Variants in DTD1 observed in about 807,000 individuals in gnomAD.
DTD1 encodes the protein D-aminoacyl-tRNA deacylase 1, also known as D-tyrosyl-tRNA deacylase 1 homolog.
A neutral mutation model predicts 25.6 loss-of-function variants in DTD1; 13 were observed. The observed-to-expected ratio is 0.51, with a 90% CI of 0.33 to 0.81. The LOEUF (loss-of-function observed/expected upper bound fraction) is 0.81. DTD1 is among the 30% of genes least tolerant of loss of function. DTD1 has a pLI of 0.02. For missense variants in DTD1, 193 were observed against 266.4 expected (o/e 0.72, Z 1.92); for synonymous variants, 110 against 103.6 (o/e 1.06, Z -0.37).
chr20:18,615,070 C>T (rs1312839682), intron 3 of DTD1, among the ~76,000 whole-genome samples: 1 of 152,080 alleles, frequency 6.6e-6, no homozygotes, highest in African/African-American at 2.4e-5. Context: ...GCAGGCATTC[C>T]AAGATGGGAA....
intron 3 of DTD1, among the ~76,000 whole-genome samples, chr20:18,627,353 G>T (rs2060763894): frequency 6.6e-6 from 1 of 152,210 alleles, no homozygotes; most frequent in South Asian, 2.1e-4. Context: ...AGGCCTGCCT[G>T]TGCCGCAGTA....
intron 3 of DTD1, among the ~76,000 whole-genome samples, chr20:18,600,528 T>C (rs1440706955): frequency 6.6e-6 from 1 of 152,232 alleles, no homozygotes; most frequent in Admixed American, 6.5e-5. Context: ...ATTGAAGTCG[T>C]ATAGTGTCAG....
chr20:18,740,046 G>T (rs928090832), intron 4 of DTD1, among the ~76,000 whole-genome samples: 1 of 151,992 alleles, frequency 6.6e-6, no homozygotes, highest in South Asian at 2.1e-4. Context: ...TGGAGGGGAA[G>T]GTCAGATGGA....
At chr20:18,676,587 G>A (rs140075628) in intron 4 of DTD1, among the ~76,000 whole-genome samples, 34 of 152,270 alleles carry the variant, frequency 2.2e-4, no homozygotes, top group African/African-American at 8.2e-4. Context: ...TTGTATGTTT[G>A]AACCTTCATT....
intron 3 of DTD1, among the ~76,000 whole-genome samples, chr20:18,620,553 T>TC (rs2060729586): frequency 6.6e-6 from 1 of 152,216 alleles, no homozygotes; most frequent in Non-Finnish European, 1.5e-5. Flanking sequence ...TTTTTATTTT[T>TC]AAAAATTTTC....
rs144560326 is a variant in DTD1 at position 18,614,851 on chromosome 20, C to G, written c.371-13276C>G. Among the ~76,000 whole-genome samples the G allele has an allele frequency of 4.3e-3, 648 of 152,024 alleles. 3 individuals are homozygous for G. The highest frequency in any genetic ancestry group is 6.3e-3 in the Non-Finnish European group (429 of 67,956). On this transcript the variant is annotated intron_variant, in intron 3 of 5. Transcript: ENST00000377452. ...CCTTCCTCCTGCTCACTCTTTCTTC[C>G]ACTCTCCTTCAATCCCTTCCTTCCT... is the stretch of plus-strand genomic sequence containing the variant.
intron 4 of DTD1, among the ~76,000 whole-genome samples, chr20:18,735,327 G>A (rs1175404752): frequency 2.0e-5 from 3 of 152,242 alleles, no homozygotes; most frequent in Non-Finnish European, 4.4e-5. Context: ...TGGAAACAGG[G>A]TGTGCTGTCC....
intron 4 of DTD1, among the ~76,000 whole-genome samples, chr20:18,694,586 T>C (rs1234273092): frequency 1.1e-4 from 16 of 152,168 alleles, no homozygotes; most frequent in Admixed American, 1.0e-3. Flanking sequence ...CAACCTCAGC[T>C]AGAGGCCGCG....
chr20:18,709,425 A>G (rs191713505), intron 4 of DTD1, among the ~76,000 whole-genome samples: 2 of 152,046 alleles, frequency 1.3e-5, no homozygotes, highest in East Asian at 3.9e-4. Flanking sequence ...TTTCTGTATT[A>G]CTCTCCATAC....
At chr20:18,673,915 T>A (rs1037493010) in intron 4 of DTD1, among the ~76,000 whole-genome samples, 20 of 152,164 alleles carry the variant, frequency 1.3e-4, no homozygotes, top group African/African-American at 4.3e-4. Flanking sequence ...AGTTTTTTTT[T>A]TTTATTTAGA....
intron 1 of DTD1, 64 bp from the exon 2 acceptor site, chr20:18,593,667 C>T: frequency 8.2e-7 from 1 of 1,226,612 alleles, no homozygotes; most frequent in Middle Eastern, 1.9e-4. Context: ...CCTATGGTTA[C>T]TTAAAAGTGC....
intron 4 of DTD1, among the ~76,000 whole-genome samples, chr20:18,649,326 CTTT>C (rs55766733): frequency 3.6e-4 from 21 of 57,620 alleles, no homozygotes; most frequent in African/African-American, 5.6e-4. Flanking sequence ...ATTCATCTTT[CTTT>C]TTTTTTTTTT....
intron 4 of DTD1, among the ~76,000 whole-genome samples, chr20:18,629,296 C>CTT (rs35174616): frequency 0.13 from 9,025 of 69,088 alleles, 1,127 homozygotes; most frequent in African/African-American, 0.16. Flanking sequence ...TGTGCTCGGC[C>CTT]TTTTTTTTTT....
chr20:18,644,476 A>G (rs1324285835), intron 4 of DTD1, among the ~76,000 whole-genome samples: 3 of 152,346 alleles, frequency 2.0e-5, no homozygotes, highest in East Asian at 3.9e-4. Flanking sequence ...AGGTTTAACA[A>G]ACAGAACATG....
intron 5 of DTD1, among the ~76,000 whole-genome samples, chr20:18,757,976 A>G (rs1051544839): frequency 4.6e-5 from 7 of 152,158 alleles, no homozygotes; most frequent in African/African-American, 1.7e-4. Context: ...TCAGAGATTC[A>G]ACTTCCTCCT....
chr20:18,712,836 T>C (rs1211350102), intron 4 of DTD1, among the ~76,000 whole-genome samples: 1 of 152,258 alleles, frequency 6.6e-6, no homozygotes, highest in Non-Finnish European at 1.5e-5. Flanking sequence ...CGGAATGTTT[T>C]CTTCCTTCAG....
chr20:18,672,422 T>C (rs1195232233), intron 4 of DTD1, among the ~76,000 whole-genome samples: 7 of 152,152 alleles, frequency 4.6e-5, no homozygotes, highest in Non-Finnish European at 8.8e-5. Flanking sequence ...TAAATAAATC[T>C]AGTGAGTTTG....
At chr20:18,674,211 A>C (rs554648395) in intron 4 of DTD1, among the ~76,000 whole-genome samples, 103 of 152,264 alleles carry the variant, frequency 6.8e-4, no homozygotes, top group African/African-American at 2.5e-3. Context: ...CTTGATTTCC[A>C]GTGTTTGCCT....
intron 4 of DTD1, among the ~76,000 whole-genome samples, chr20:18,662,859 G>A (rs1471547372): frequency 6.6e-6 from 1 of 152,120 alleles, no homozygotes; most frequent in Non-Finnish European, 1.5e-5. Flanking sequence ...AGATAACTCA[G>A]TTGTGGCTCA....
Sources: allele counts gnomAD v4.1 joint callset (sites outside exome capture counted in the v4.1 genomes callset), GRCh38; gene constraint gnomAD v4.1.1; transcripts MANE v1.5; gene names NCBI Gene and HGNC (gene_info 2026-07-23, HGNC 2026-07-21).